LMF1: variants seen among roughly 807,000 people sequenced by gnomAD.
LMF1 encodes the protein lipase maturation factor 1, also known as transmembrane protein 112.
LMF1 carries 68 observed loss-of-function variants against 60.6 expected under a neutral mutation model. The ratio of observed to expected loss-of-function variants is 1.12; its 90% CI spans 0.92 to 1.37. The LOEUF is 1.37. Ranked by LOEUF, LMF1 falls within the 40% of genes most tolerant of loss-of-function variation. LMF1 has a pLI of 0.00. For missense variants in LMF1, 948 were observed against 767.2 expected (o/e 1.24, Z -2.78); for synonymous variants, 418 against 324.7 (o/e 1.29, Z -3.09).
In LMF1 at chr16:879,571, TG is replaced by T. The variant is rs757681000; in HGVS notation, c.895del (p.Gln299ArgfsTer13). 6.2e-7 allele frequency: 1 copy of T among 1,612,618 alleles called. No homozygotes were observed. The highest frequency in any genetic ancestry group is 1.3e-5 in the African/African-American group (1 of 75,020). On this transcript the variant is annotated frameshift_variant and splice_region_variant, in exon 6 of 11. Coordinates refer to ENST00000262301, the MANE Select transcript of LMF1 (RefSeq NM_022773.4). LOFTEE classifies it high-confidence loss of function. ...GCAGGGCGGGCGGCGCGGGCTCACC[TG>T]GAACAGGATCTGCAGCACCCCGTGG... is the stretch of plus-strand genomic sequence containing the variant. ...IIHGVLQILF[Q>X]AVLIVSGNLS...
At position 953,936 on chromosome 16, in the gene LMF1, C is replaced by T. The variant is rs145568999; in HGVS notation, c.503+421G>A. Among the ~76,000 whole-genome samples the T allele has an allele frequency of 6.2e-5, 6 of 96,010 alleles. 2 individuals are homozygous for T. The East Asian group carries it at 4.1e-3, about 65-fold the overall frequency. The allele number at this position is 96,010 out of a possible 152,430, so 63.0% of individuals were successfully genotyped here. Reference sequence around the variant, plus strand: ...ACCCACCCCAAACCAGCTTCCTACACGTCCACACAGACACCCACCCCAAAC... The same window carrying T: ...ACCCACCCCAAACCAGCTTCCTACATGTCCACACAGACACCCACCCCAAAC... On this transcript the variant is annotated intron_variant, in intron 2 of 10. Transcript: ENST00000262301.
In LMF1 at chr16:869,874, G is replaced by T; in HGVS notation, c.1416+9C>A. The T allele has an allele frequency of 6.2e-7, 1 of 1,609,266 alleles. No homozygotes were observed. Among genetic ancestry groups the T allele is most frequent in the South Asian group, 1.1e-5 (1 of 90,674 alleles). ...CAGGTCCATGCGCCCGCCAGGGACC[G>T]TCCCCCACCTGGAAGGCCGCGAACC... On this transcript the variant is annotated intron_variant, in intron 9 of 10. Transcript: ENST00000262301.
chr16:872,345 G>GGGAC (rs1389263007), intron 6 of LMF1: 1 of 152,266 alleles, frequency 6.6e-6, no homozygotes, highest in Non-Finnish European at 1.5e-5. Flanking sequence ...GTCTAATGAA[G>GGGAC]GGACTCGTGA....
chr16:959,955 G>C (rs1223096809), intron 1 of LMF1, among the ~76,000 whole-genome samples: 1 of 151,054 alleles, frequency 6.6e-6, no homozygotes, highest in Non-Finnish European at 1.5e-5. Context: ...GTTGACCTTC[G>C]TATACTTACA....
intron 3 of LMF1, among the ~76,000 whole-genome samples, chr16:918,964 G>A (rs1359560193): frequency 6.6e-6 from 1 of 152,178 alleles, no homozygotes; most frequent in Non-Finnish European, 1.5e-5. Flanking sequence ...CCGAGTAGCG[G>A]TGGGACGAGC....
At chr16:861,694 T>G (rs968749418) in intron 10 of LMF1, among the ~76,000 whole-genome samples, 1 of 152,180 alleles carries the variant, frequency 6.6e-6, no homozygotes, top group Non-Finnish European at 1.5e-5. Flanking sequence ...GTGGATACCT[T>G]GGGATTTCCT....
chr16:923,469 A>G (rs1019863274), intron 3 of LMF1, among the ~76,000 whole-genome samples: 1 of 152,152 alleles, frequency 6.6e-6, no homozygotes, highest in Non-Finnish European at 1.5e-5. Context: ...CTAAAGCATC[A>G]GGCTTCTCAG....
intron 2 of LMF1, among the ~76,000 whole-genome samples, chr16:943,682 T>G (rs547404192): frequency 1.1e-4 from 13 of 123,330 alleles, no homozygotes; most frequent in African/African-American, 4.2e-4. Context: ...AGCCAAGATC[T>G]CACCACTGCA....
rs1477082684 is a variant in LMF1, at chr16:979,601, C to A, written c.-135+1544G>T. On this transcript the variant is annotated intron_variant, in intron 1 of 6. Coordinates refer to the LMF1 transcript ENST00000570014. ...CTCCAGGGGTGCTGGAGTTCCCCAC[C>A]TGTGTCCCAGGGACTTGAAGCTTCC... 4 of 453,700 alleles carry A rather than the reference C, an allele frequency of 8.8e-6. No individual in the cohort carries two copies. In the Admixed American group the frequency reaches 9.4e-5, roughly 11 times the overall value. The allele number at this position is 453,700 out of a possible 1,614,324, so 28.1% of individuals were successfully genotyped here. A position where few individuals can be genotyped will look rare whatever the true frequency, so the allele number is the denominator to read the frequency against.
At chr16:980,318 C>G (rs1269006275) in intron 1 of LMF1, 1 of 157,488 alleles carries the variant, frequency 6.3e-6, no homozygotes, top group Non-Finnish European at 1.4e-5. Context: ...CACCAGCTCT[C>G]GGCCGGGCCA....
At chr16:859,082 A>C (rs1414762362) in intron 10 of LMF1, among the ~76,000 whole-genome samples, 5 of 83,926 alleles carry the variant, frequency 6.0e-5, no homozygotes, top group East Asian at 3.6e-4. Flanking sequence ...GACGGGTGTG[A>C]GTGGTGTCTC....
intron 3 of LMF1, among the ~76,000 whole-genome samples, chr16:923,029 C>T (rs1178324095): frequency 8.0e-6 from 1 of 124,524 alleles, no homozygotes; most frequent in Non-Finnish European, 1.7e-5. Context: ...TGCGAAGGCC[C>T]TGTGTGAAGG....
chr16:883,420 G>T (rs2070222681), intron 5 of LMF1, among the ~76,000 whole-genome samples: 1 of 152,262 alleles, frequency 6.6e-6, no homozygotes, highest in Admixed American at 6.5e-5. Context: ...GCTGCTCTAA[G>T]CCACTGAGGC....
At position 878,584 on chromosome 16, in the gene LMF1, C is replaced by A. The variant is rs182124117; in HGVS notation, c.897+986G>T. Among the ~76,000 whole-genome samples the A allele has an allele frequency of 1.4e-3, 216 of 152,308 alleles. No homozygotes were observed. Among genetic ancestry groups the A allele is most frequent in the Non-Finnish European group, 1.6e-3 (107 of 68,026 alleles). On this transcript the variant is annotated intron_variant, in intron 6 of 10. Transcript: ENST00000262301. This position sits in a 1 kb window ranked among gnomAD's most constrained non-coding sequence, Gnocchi z 5.2. ...AACTACCACACGTGCACAGACGGGACGGGTGAACCGACCGCAGGCACGCAC... is the reference window on the plus strand; with the variant it reads ...AACTACCACACGTGCACAGACGGGAAGGGTGAACCGACCGCAGGCACGCAC...
chr16:887,414 G>A (rs992238134), intron 5 of LMF1, among the ~76,000 whole-genome samples: 3 of 152,216 alleles, frequency 2.0e-5, no homozygotes, highest in African/African-American at 7.2e-5. Context: ...CTTCAACACG[G>A]ATTCCTGCAG....
chr16:963,976 G>A (rs953710306), intron 1 of LMF1: 4 of 448,138 alleles, frequency 8.9e-6, no homozygotes, highest in East Asian at 7.0e-5. Context: ...GGAAGGCCCC[G>A]TCACTACCCC....
chr16:905,547 G>A (rs1350173137), intron 4 of LMF1, among the ~76,000 whole-genome samples: 2 of 152,252 alleles, frequency 1.3e-5, no homozygotes, highest in Admixed American at 6.5e-5. Flanking sequence ...TGCCGTGAGA[G>A]CCATTTGCAT....
In LMF1 at chr16:879,730, G is replaced by A. The variant is rs1307363051; in HGVS notation, c.737C>T (p.Pro246Leu). 5 of 1,585,444 alleles carry A rather than the reference G, an allele frequency of 3.2e-6. No individual in the cohort carries two copies. Among genetic ancestry groups the A allele is most frequent in the African/African-American group, 1.3e-5 (1 of 74,390 alleles). ...GTAGTACGCCACAGGATTGGGCATC[G>A]GCTGGGTCTGCAGGGACAGGAGGGG... The part of the protein sequence containing the change: ...TCMDFHYETQ[P>L]MPNPVAYYLH... The change falls in exon 6 of 11, where the codon CCG becomes CTG. Residue 246 changes from proline to leucine, a missense_variant. Physicochemically the swap from Pro to Leu is moderately conservative, Grantham distance 98. Transcript: ENST00000262301.
At chr16:963,067 C>T (rs541120009) in intron 1 of LMF1, among the ~76,000 whole-genome samples, 1 of 151,926 alleles carries the variant, frequency 6.6e-6, no homozygotes, top group Non-Finnish European at 1.5e-5. Flanking sequence ...GGGATGGACA[C>T]AGGGTAAACA....
Sources: gnomAD v4.1 joint callset for allele counts (sites outside exome capture counted in the v4.1 genomes callset) on GRCh38, gnomAD v4.1.1 for gene constraint, Gnocchi (gnomAD v3.1) non-coding constraint, MANE v1.5 for transcripts, NCBI Gene and HGNC (gene_info 2026-07-23, HGNC 2026-07-21) for gene names.